SNTG1: variants seen among roughly 807,000 people sequenced by gnomAD.
The protein encoded by SNTG1 is syntrophin gamma 1.
Under a neutral mutation model 74.7 loss-of-function variants are expected in SNTG1, and 39 were observed. The ratio of observed to expected loss-of-function variants is 0.52; its 90% confidence interval spans 0.40 to 0.68. The LOEUF is 0.68. SNTG1 is among the 30% of genes least tolerant of loss of function. The pLI, the probability that SNTG1 is intolerant of heterozygous loss-of-function variation, is 0.00. For missense variants in SNTG1, 685 were observed against 609.5 expected (o/e 1.12, Z -1.30); for synonymous variants, 254 against 217.1 (o/e 1.17, Z -1.49).
At chr8:50,635,598 A>G (rs916696024) in intron 13 of SNTG1, among the ~76,000 whole-genome samples, 1 of 152,072 alleles carries the variant, frequency 6.6e-6, no homozygotes, top group African/African-American at 2.4e-5. Flanking sequence ...GAGTGCTTCC[A>G]GGCAATTGCC....
Position 50,663,511 on chromosome 8 carries a change from C to G in SNTG1, c.1038+4848C>G, listed in dbSNP as rs539141432. Among the ~76,000 whole-genome samples the G allele has an allele frequency of 1.7e-4, 26 of 152,218 alleles. No individual in the cohort carries two copies. In the South Asian group the frequency reaches 5.4e-3, roughly 32 times the overall value. On this transcript the variant is annotated intron_variant, in intron 15 of 18. Transcript: ENST00000642720. ...CGGGCCTGAATAGATAGTGCCCTCA[C>G]AGTAGCTACTCACCTGCATAGACCA...
intron 15 of SNTG1, among the ~76,000 whole-genome samples, chr8:50,665,080 A>C (rs56054011): frequency 0.027 from 4,171 of 152,220 alleles, 164 homozygotes; most frequent in African/African-American, 0.091. Flanking sequence ...ATTACAAATA[A>C]GTTTACATTT....
chr8:50,307,740 T>C (rs2130725617), intron 2 of SNTG1, among the ~76,000 whole-genome samples: 1 of 152,264 alleles, frequency 6.6e-6, no homozygotes, highest in South Asian at 2.1e-4. Flanking sequence ...TCGATGTTTT[T>C]CTTGTATCAG....
intron 2 of SNTG1, among the ~76,000 whole-genome samples, chr8:50,319,504 C>G (rs187777047): frequency 6.6e-6 from 1 of 152,236 alleles, no homozygotes; most frequent in East Asian, 1.9e-4. Context: ...AAGATTACAT[C>G]CTCTGCAAAC....
chr8:50,436,351 T>C (rs1005713795), intron 4 of SNTG1, among the ~76,000 whole-genome samples: 26 of 152,302 alleles, frequency 1.7e-4, no homozygotes, highest in Middle Eastern at 3.4e-3. Context: ...AATTCACCTA[T>C]TCCTGAATCT....
intron 15 of SNTG1, among the ~76,000 whole-genome samples, chr8:50,694,536 C>T (rs2095396304): frequency 6.6e-6 from 1 of 152,014 alleles, no homozygotes; most frequent in Admixed American, 6.6e-5. Context: ...CAATTTTCTA[C>T]CAATTACTCC....
chr8:50,018,575 G>A (rs1816545336), intron 1 of SNTG1, among the ~76,000 whole-genome samples: 1 of 151,880 alleles, frequency 6.6e-6, no homozygotes, highest in African/African-American at 2.4e-5. Context: ...CTATGTGTTA[G>A]GCAATGTTTT....
At chr8:50,224,466 C>T (rs1026481448) in intron 2 of SNTG1, among the ~76,000 whole-genome samples, 2 of 152,152 alleles carry the variant, frequency 1.3e-5, no homozygotes, top group Non-Finnish European at 2.9e-5. Flanking sequence ...ACTCAGGACC[C>T]TAGGCCTCAA....
At chr8:50,739,346 A>T (rs553745902) in intron 17 of SNTG1, among the ~76,000 whole-genome samples, 1 of 152,182 alleles carries the variant, frequency 6.6e-6, no homozygotes, top group African/African-American at 2.4e-5. Flanking sequence ...AAAAATGCAG[A>T]TCAAAACCAC....
intron 13 of SNTG1, among the ~76,000 whole-genome samples, chr8:50,640,575 C>CGATCTCAG (rs1179138556): frequency 6.6e-6 from 1 of 152,138 alleles, no homozygotes; most frequent in Non-Finnish European, 1.5e-5. Context: ...CCACCATCCA[C>CGATCTCAG]GATCTCAGAC....
chr8:50,726,885 A>G (rs966009362), intron 17 of SNTG1, among the ~76,000 whole-genome samples: 7 of 152,086 alleles, frequency 4.6e-5, no homozygotes, highest in Non-Finnish European at 1.0e-4. Context: ...AAATAAATAA[A>G]TAAATAAAAT....
rs1554559605 is a variant in SNTG1, at chr8:50,051,270, A to ACAC, written c.-102-121291_-102-121290insCAC. ...CACACACACACACACACACACACAC[A>ACAC]AACAAACAAGAAGAAAACATTTAAA... On this transcript the variant is annotated intron_variant, in intron 1 of 18. Transcript: ENST00000642720. Among the ~76,000 whole-genome samples the ACAC allele has an allele frequency of 4.0e-5, 6 of 150,222 alleles. No individual in the cohort carries two copies. The East Asian group carries it at 1.2e-3, about 29-fold the overall frequency.
At chr8:50,559,729 G>A (rs1422304401) in intron 12 of SNTG1, among the ~76,000 whole-genome samples, 1 of 152,062 alleles carries the variant, frequency 6.6e-6, no homozygotes, top group African/African-American at 2.4e-5. Context: ...ATTAACTCAA[G>A]ATGGATTAAA....
intron 18 of SNTG1, among the ~76,000 whole-genome samples, chr8:50,756,323 C>T (rs1020692319): frequency 4.0e-5 from 6 of 151,632 alleles, no homozygotes; most frequent in African/African-American, 1.5e-4. Context: ...AAAAAGTCAT[C>T]GCAAAAGTGA....
chr8:50,572,481 A>T (rs993630359), intron 12 of SNTG1, among the ~76,000 whole-genome samples: 3 of 152,182 alleles, frequency 2.0e-5, no homozygotes, highest in Non-Finnish European at 2.9e-5. Context: ...TGTTATAGGA[A>T]AATAAAGTTT....
chr8:50,589,292 A>G (rs903298607), intron 12 of SNTG1, among the ~76,000 whole-genome samples: 3 of 152,166 alleles, frequency 2.0e-5, no homozygotes, highest in African/African-American at 4.8e-5. Flanking sequence ...TAATATAACA[A>G]TTCCTCACAG....
At chr8:50,381,381 G>A (rs932719194) in intron 2 of SNTG1, among the ~76,000 whole-genome samples, 1 of 150,840 alleles carries the variant, frequency 6.6e-6, no homozygotes, top group Non-Finnish European at 1.5e-5. Context: ...TATACAGAAA[G>A]CATTAAAAAT....
chr8:50,022,605 G>A (rs1349475176), intron 1 of SNTG1, among the ~76,000 whole-genome samples: 1 of 152,152 alleles, frequency 6.6e-6, no homozygotes, highest in African/African-American at 2.4e-5. Flanking sequence ...GGATGAAAGT[G>A]GATTTAATTA....
chr8:50,155,464 A>C (rs925561006), intron 1 of SNTG1, among the ~76,000 whole-genome samples: 8 of 152,192 alleles, frequency 5.3e-5, no homozygotes, highest in Non-Finnish European at 1.0e-4. Flanking sequence ...GTTATAGAAA[A>C]AAAAATGGAA....
Sources: allele counts gnomAD v4.1 joint callset (sites outside exome capture counted in the v4.1 genomes callset), GRCh38; gene constraint gnomAD v4.1.1; transcripts MANE v1.5; gene names NCBI Gene and HGNC (gene_info 2026-07-23, HGNC 2026-07-21).